GRID2: variants seen among roughly 807,000 people sequenced by gnomAD.
GRID2 encodes the protein glutamate receptor ionotropic, delta-2.
In GRID2, 33 loss-of-function variants were observed where a neutral mutation model predicts 114.8. That is an observed-to-expected ratio of 0.29 (90% CI 0.22 to 0.38). GRID2 has a LOEUF of 0.38. Among genes scored for constraint, GRID2 ranks in the 10% least tolerant of loss-of-function variants. GRID2 has a pLI of 1.00. For missense variants in GRID2, 1,184 were observed against 1,257.7 expected (o/e 0.94, Z 0.89); for synonymous variants, 505 against 449.9 (o/e 1.12, Z -1.55).
chr4:92,474,636 A>G (rs1722206201), intron 1 of GRID2, among the ~76,000 whole-genome samples: 1 of 151,908 alleles, frequency 6.6e-6, no homozygotes, highest in African/African-American at 2.4e-5. Context: ...TCTCACCAAT[A>G]CTGTACAGTG....
At chr4:93,400,263 T>TC (rs1765744852) in intron 9 of GRID2, among the ~76,000 whole-genome samples, 2 of 152,156 alleles carry the variant, frequency 1.3e-5, no homozygotes, top group African/African-American at 2.4e-5. Context: ...TTTCTTCATA[T>TC]ATAGATTTCT....
intron 2 of GRID2, among the ~76,000 whole-genome samples, chr4:92,764,860 A>C (rs1289906245): frequency 6.6e-6 from 1 of 152,186 alleles, no homozygotes; most frequent in African/African-American, 2.4e-5. Flanking sequence ...ATGGGGTTGA[A>C]TGTAAAGGTC....
At chr4:92,581,333 A>G (rs1728177681) in intron 1 of GRID2, among the ~76,000 whole-genome samples, 1 of 151,898 alleles carries the variant, frequency 6.6e-6, no homozygotes, top group African/African-American at 2.4e-5. Flanking sequence ...GAGAGGATTG[A>G]TATTCCAACA....
At chr4:92,713,519 T>TATATATATATATA (rs1464081862) in intron 2 of GRID2, among the ~76,000 whole-genome samples, 4 of 81,334 alleles carry the variant, frequency 4.9e-5, no homozygotes, top group Non-Finnish European at 7.5e-5. Context: ...ATATATATAT[T>TATATATATATATA]ACCAAAATTA....
intron 1 of GRID2, among the ~76,000 whole-genome samples, chr4:92,308,282 A>C (rs1284233814): frequency 6.6e-6 from 1 of 152,190 alleles, no homozygotes; most frequent in Non-Finnish European, 1.5e-5. Context: ...TCCTTTCTTT[A>C]TCTGGTTCCT....
At chr4:93,298,784 A>G (rs1014717381) in intron 8 of GRID2, among the ~76,000 whole-genome samples, 4 of 152,196 alleles carry the variant, frequency 2.6e-5, no homozygotes, top group African/African-American at 7.2e-5. Flanking sequence ...CTTTGCAGCA[A>G]TTACAGAGGT....
At chr4:93,111,636 C>T (rs905664258) in intron 4 of GRID2, among the ~76,000 whole-genome samples, 1 of 151,972 alleles carries the variant, frequency 6.6e-6, no homozygotes, top group Admixed American at 6.6e-5. Context: ...TCTTTTTGCC[C>T]CACTTCAAGT....
intron 3 of GRID2, among the ~76,000 whole-genome samples, chr4:93,090,453 G>A (rs1194210907): frequency 7.9e-5 from 12 of 152,122 alleles, no homozygotes; most frequent in African/African-American, 2.4e-4. Flanking sequence ...TAAATACCCT[G>A]GCCAGTGAGT....
rs1299639418 is a variant in GRID2, at chr4:92,740,726, AGATAGATAGATAGATG to A, written c.244+150455_244+150470del. On this transcript the variant is annotated intron_variant, in intron 2 of 15. Transcript: ENST00000282020. ...TAGATAGATAGATAGATAGATAGAT[AGATAGATAGATAGATG>A]GATAGATAGATAGACAGATAGATAG... Among the ~76,000 whole-genome samples the A allele has an allele frequency of 4.5e-3, 644 of 142,554 alleles. 4 individuals carry two copies. The highest frequency in any genetic ancestry group is 0.016 in the African/African-American group (571 of 36,018). 93.5% of individuals were successfully genotyped at this position (142,554 alleles called of 152,430 possible).
chr4:92,347,352 T>C (rs1196797847), intron 1 of GRID2, among the ~76,000 whole-genome samples: 1 of 151,788 alleles, frequency 6.6e-6, no homozygotes, highest in Non-Finnish European at 1.5e-5. Flanking sequence ...TGCCTCCATA[T>C]TGTGGTATGG....
At chr4:92,551,609 G>A (rs536392315) in intron 1 of GRID2, among the ~76,000 whole-genome samples, 1 of 152,212 alleles carries the variant, frequency 6.6e-6, no homozygotes, top group African/African-American at 2.4e-5. Flanking sequence ...CATTTATTAA[G>A]TGCATTCAAT....
chr4:92,603,179 T>G (rs568632020), intron 2 of GRID2, among the ~76,000 whole-genome samples: 1 of 152,264 alleles, frequency 6.6e-6, no homozygotes, highest in South Asian at 2.1e-4. Flanking sequence ...ATGACATTCT[T>G]CAGAGAATTA....
At chr4:93,029,624 A>G (rs1164050178) in intron 2 of GRID2, among the ~76,000 whole-genome samples, 1 of 152,166 alleles carries the variant, frequency 6.6e-6, no homozygotes, top group Non-Finnish European at 1.5e-5. Context: ...TACAATATTT[A>G]CATTTCAAGA....
chr4:93,288,648 TC>T (rs1471281450), intron 8 of GRID2, among the ~76,000 whole-genome samples: 8 of 152,210 alleles, frequency 5.3e-5, no homozygotes, highest in Non-Finnish European at 7.3e-5. Context: ...TGAGACTCTA[TC>T]CTTTTATATA....
At chr4:92,361,679 A>T (rs966196709) in intron 1 of GRID2, among the ~76,000 whole-genome samples, 1 of 151,998 alleles carries the variant, frequency 6.6e-6, no homozygotes, top group African/African-American at 2.4e-5. Flanking sequence ...GTCAGTGGAT[A>T]TAAAAAAGTT....
intron 2 of GRID2, among the ~76,000 whole-genome samples, chr4:92,638,262 C>T (rs1731169800): frequency 6.6e-6 from 1 of 151,442 alleles, no homozygotes; most frequent in African/African-American, 2.4e-5. Flanking sequence ...ACCATGCTAA[C>T]TCAGTGTAGA....
At chr4:92,887,606 G>T (rs959114434) in intron 2 of GRID2, among the ~76,000 whole-genome samples, 2 of 152,114 alleles carry the variant, frequency 1.3e-5, no homozygotes, top group African/African-American at 4.8e-5. Flanking sequence ...TCATATCATG[G>T]TGTCATCATT....
chr4:93,201,687 A>G (rs1742122250), intron 4 of GRID2, among the ~76,000 whole-genome samples: 1 of 152,220 alleles, frequency 6.6e-6, no homozygotes. Flanking sequence ...CGTCCCCTGC[A>G]CTTGTAGGAA....
At chr4:92,556,665 CGTGA>C (rs1726864175) in intron 1 of GRID2, among the ~76,000 whole-genome samples, 2 of 152,026 alleles carry the variant, frequency 1.3e-5, no homozygotes, top group Admixed American at 6.6e-5. Flanking sequence ...TGAAGGCTCA[CGTGA>C]GTGAGTATCA....
Sources: gnomAD v4.1 joint callset for allele counts (sites outside exome capture counted in the v4.1 genomes callset) on GRCh38, gnomAD v4.1.1 for gene constraint, MANE v1.5 for transcripts, NCBI Gene and HGNC (gene_info 2026-07-23, HGNC 2026-07-21) for gene names.